Variants in PRKAR1B observed in about 807,000 individuals in gnomAD.
PRKAR1B encodes the protein cAMP-dependent protein kinase type I-beta regulatory subunit.
A neutral mutation model predicts 46.5 loss-of-function variants in PRKAR1B; 22 were observed. The ratio of observed to expected loss-of-function variants is 0.47; its 90% CI spans 0.34 to 0.68. PRKAR1B has a LOEUF of 0.68. Ranked by LOEUF, PRKAR1B falls within the 30% of genes least tolerant of loss-of-function variation. The pLI is 0.01. For missense variants in PRKAR1B, 445 were observed against 535.6 expected, an observed-to-expected ratio of 0.83 and a Z score of 1.67; for synonymous variants, 259 against 217.7, an observed-to-expected ratio of 1.19 and a Z score of -1.67.
intron 9 of PRKAR1B, among the ~76,000 whole-genome samples, chr7:569,214 G>T (rs911359313): frequency 6.6e-6 from 1 of 152,196 alleles, no homozygotes. Context: ...TACTTTGAAG[G>T]TTCTTGTCTC....
At chr7:597,639 G>A (rs1338266398) in intron 6 of PRKAR1B, among the ~76,000 whole-genome samples, 1 of 152,240 alleles carries the variant, frequency 6.6e-6, no homozygotes, top group Non-Finnish European at 1.5e-5. Context: ...TAGGGGCGAG[G>A]GGACCTCAGA....
intron 6 of PRKAR1B, among the ~76,000 whole-genome samples, chr7:597,817 C>T (rs931808608): frequency 1.3e-5 from 2 of 152,238 alleles, no homozygotes; most frequent in Middle Eastern, 3.2e-3. Flanking sequence ...CCTGGCCTTC[C>T]GCCTCGCAGT....
chr7:640,512 C>T (rs1483083909), intron 4 of PRKAR1B, among the ~76,000 whole-genome samples: 2 of 152,200 alleles, frequency 1.3e-5, no homozygotes, highest in Non-Finnish European at 2.9e-5. Context: ...CCTGTAATCC[C>T]AGCACTTCGG....
At chr7:678,217 C>G (rs1209633906) in intron 3 of PRKAR1B, among the ~76,000 whole-genome samples, 2 of 152,156 alleles carry the variant, frequency 1.3e-5, no homozygotes, top group African/African-American at 2.4e-5. Context: ...TGCCATGAGG[C>G]AAGATCATGC....
intron 3 of PRKAR1B, among the ~76,000 whole-genome samples, chr7:679,612 G>C (rs1213234236): frequency 6.6e-6 from 1 of 152,218 alleles, no homozygotes; most frequent in African/African-American, 2.4e-5. Context: ...AGTTCTGCAA[G>C]GTAAGAAGGT....
intron 4 of PRKAR1B, among the ~76,000 whole-genome samples, chr7:640,371 C>T (rs534396393): frequency 2.0e-4 from 31 of 152,268 alleles, no homozygotes; most frequent in African/African-American, 7.2e-4. Flanking sequence ...AATAGACATA[C>T]GATTCGGACA....
chr7:637,897 G>A (rs1784205816), intron 4 of PRKAR1B, among the ~76,000 whole-genome samples: 3 of 151,018 alleles, frequency 2.0e-5, no homozygotes, highest in Admixed American at 1.3e-4. Context: ...CACAGAGCTT[G>A]TGTTGGACAA....
intron 4 of PRKAR1B, among the ~76,000 whole-genome samples, chr7:676,073 G>T (rs1180926943): frequency 6.6e-6 from 1 of 152,088 alleles, no homozygotes; most frequent in South Asian, 2.1e-4. Context: ...TGTTGAGGAC[G>T]CCCCGAGTAT....
intron 6 of PRKAR1B, among the ~76,000 whole-genome samples, chr7:601,320 G>A (rs571914985): frequency 6.6e-6 from 1 of 152,352 alleles, no homozygotes; most frequent in East Asian, 1.9e-4. Context: ...GCGATTTACA[G>A]AAACCAGCAA....
Position 653,397 on chromosome 7 carries a change from A to G in PRKAR1B, c.440+23832T>C, listed in dbSNP as rs1250644068. On this transcript the variant is annotated intron_variant, in intron 4 of 10. Transcript: ENST00000537384. ...CCATTCACCCACCTCATCGTTCAGA[A>G]GGAAAGTGAGGGCTGGCTTCCAGAA... Among the ~76,000 whole-genome samples the G allele has an allele frequency of 2.6e-5, 4 of 152,316 alleles. No individual in the cohort carries two copies. In the East Asian group the frequency reaches 7.7e-4, roughly 29 times the overall value.
In PRKAR1B at chr7:591,573, G is replaced by A. The variant is rs140846268; in HGVS notation, c.708+4573C>T. Among the ~76,000 whole-genome samples the A allele has an allele frequency of 2.3e-3, 355 of 152,352 alleles. 1 individual carries two copies. The highest frequency in any genetic ancestry group is 7.9e-3 in the African/African-American group (330 of 41,584). On this transcript the variant is annotated intron_variant, in intron 7 of 10. Transcript: ENST00000537384. ...ACTGGAGCGTTGATAACGGCTGCCA[G>A]GTGCAGCAGCTCACGCCTATAATTC...
chr7:583,443 ACACT>A (rs1562537140), intron 8 of PRKAR1B, among the ~76,000 whole-genome samples: 1,815 of 58,488 alleles, frequency 0.031, 38 homozygotes, highest in East Asian at 0.084. Context: ...CCCACAGTGC[ACACT>A]CACACCCACT....
chr7:579,473 C>T, intron 8 of PRKAR1B, 96 bp from the exon 9 acceptor site: 1 of 1,486,544 alleles, frequency 6.7e-7, no homozygotes, highest in Non-Finnish European at 9.1e-7. Context: ...AAGGTGTCCT[C>T]AGAAGCAATC....
rs1187085685 is a variant in PRKAR1B at position 666,870 on chromosome 7, A to T, written c.440+10359T>A. Reference sequence around the variant, plus strand: ...TCCAAGGGGCAAGGCACCATCCAGAAGAAGTACCTTCATGGACTCCACTGC... The same window carrying T: ...TCCAAGGGGCAAGGCACCATCCAGATGAAGTACCTTCATGGACTCCACTGC... On this transcript the variant is annotated intron_variant, in intron 4 of 10. Coordinates refer to ENST00000537384, the MANE Select transcript of PRKAR1B (RefSeq NM_001164760.2). This position sits in a 1 kb window ranked among gnomAD's most constrained non-coding sequence, Gnocchi z 4.9. Among the ~76,000 whole-genome samples the T allele has an allele frequency of 6.6e-6, 1 of 152,216 alleles. No homozygotes were observed. Among genetic ancestry groups the T allele is most frequent in the East Asian group, 1.9e-4 (1 of 5,198 alleles).
intron 2 of PRKAR1B, among the ~76,000 whole-genome samples, 187 bp downstream of exon 2, chr7:711,142 A>C: frequency 6.6e-6 from 1 of 152,088 alleles, no homozygotes; most frequent in African/African-American, 2.4e-5. Flanking sequence ...TCGGGAGACC[A>C]AACAAGGGAC....
intron 4 of PRKAR1B, among the ~76,000 whole-genome samples, chr7:609,437 T>C (rs1429138055): frequency 6.6e-6 from 1 of 152,046 alleles, no homozygotes; most frequent in Non-Finnish European, 1.5e-5. Flanking sequence ...CACCACTCTC[T>C]CCTGGAAAAC....
chr7:656,488 T>G (rs1389686097), intron 4 of PRKAR1B, among the ~76,000 whole-genome samples: 1 of 151,798 alleles, frequency 6.6e-6, no homozygotes, highest in African/African-American at 2.4e-5. Flanking sequence ...TGGATGGATG[T>G]ATGAGTGAAT....
At chr7:619,596 C>G (rs1165281924) in intron 4 of PRKAR1B, among the ~76,000 whole-genome samples, 1 of 152,194 alleles carries the variant, frequency 6.6e-6, no homozygotes, top group Non-Finnish European at 1.5e-5. Context: ...CTGCACTAAA[C>G]TACCTCTTGC....
intron 2 of PRKAR1B, among the ~76,000 whole-genome samples, chr7:695,480 C>T (rs555640152): frequency 1.3e-5 from 2 of 152,210 alleles, no homozygotes; most frequent in South Asian, 4.1e-4. Flanking sequence ...ACTTGTGAAG[C>T]GCCATCTGAA....
Sources: gnomAD v4.1 joint callset for allele counts (sites outside exome capture counted in the v4.1 genomes callset) on GRCh38, gnomAD v4.1.1 for gene constraint, Gnocchi (gnomAD v3.1) non-coding constraint, MANE v1.5 for transcripts, NCBI Gene and HGNC (gene_info 2026-07-23, HGNC 2026-07-21) for gene names.